TMEM132B: variants seen among roughly 807,000 people sequenced by gnomAD.
TMEM132B encodes transmembrane protein 132B.
In TMEM132B, 18 loss-of-function variants were observed where a neutral mutation model predicts 90.8. That is an observed-to-expected ratio of 0.20 (90% confidence interval 0.14 to 0.29). The LOEUF is 0.29. Ranked by LOEUF, TMEM132B falls within the 10% of genes least tolerant of loss-of-function variation. The pLI is 1.00. For synonymous variants in TMEM132B, 504 were observed against 523.3 expected (o/e 0.96, Z 0.50); for missense variants, 1,096 against 1,326.8 (o/e 0.83, Z 2.70).
At chr12:125,258,438 G>C (rs1217478462) in intron 1 of TMEM132B, among the ~76,000 whole-genome samples, 4 of 152,156 alleles carry the variant, frequency 2.6e-5, no homozygotes, top group Admixed American at 6.5e-5. Flanking sequence ...CATATGTCTG[G>C]CTCCTGGGCT....
chr12:125,605,809 A>T (rs1593018107), intron 5 of TMEM132B, among the ~76,000 whole-genome samples: 1 of 152,170 alleles, frequency 6.6e-6, no homozygotes, highest in Non-Finnish European at 1.5e-5. Flanking sequence ...CCCAGGTTTT[A>T]GGTTTCAGAT....
chr12:125,617,379 C>G (rs1466332222), intron 5 of TMEM132B, among the ~76,000 whole-genome samples: 1 of 141,774 alleles, frequency 7.1e-6, no homozygotes, highest in East Asian at 2.1e-4. Context: ...GAATTTCACT[C>G]TTATTGCCCA....
intron 4 of TMEM132B, among the ~76,000 whole-genome samples, chr12:125,555,398 G>C (rs1196803972): frequency 6.6e-6 from 1 of 151,592 alleles, no homozygotes; most frequent in Non-Finnish European, 1.5e-5. Flanking sequence ...ATCAGCAATA[G>C]TAAGATTCTT....
In TMEM132B at chr12:125,298,587, T is replaced by G. The variant is rs369296530; in HGVS notation, c.68-50865T>G. Among the ~76,000 whole-genome samples the G allele has an allele frequency of 7.2e-5, 10 of 138,792 alleles. No homozygotes were observed. The East Asian group carries it at 2.1e-3, about 28-fold the overall frequency. The allele number at this position is 138,792 out of a possible 152,430, so 91.1% of individuals were successfully genotyped here. On this transcript the variant is annotated intron_variant, in intron 1 of 8. Coordinates refer to ENST00000682704, the MANE Select transcript of TMEM132B (RefSeq NM_001366854.1). ...TGCTCGGGAGGCTGAGGCAGGAGAATCACTTGAACCCGGGAGGCAGAGTTT... is the reference window on the plus strand; with the variant it reads ...TGCTCGGGAGGCTGAGGCAGGAGAAGCACTTGAACCCGGGAGGCAGAGTTT...
rs373301717 is a variant in TMEM132B, at chr12:125,262,548, C to T, written c.67+75682C>T. 1.4e-4 allele frequency among the ~76,000 whole-genome samples: 21 copies of T among 152,298 alleles called. No homozygotes were observed. The East Asian group carries it at 2.7e-3, about 20-fold the overall frequency. On this transcript the variant is annotated intron_variant, in intron 1 of 8. Transcript: ENST00000682704. The stretch of plus-strand genomic sequence containing the variant: ...GTGCCCCCTTTAGTTAAGGCGTGGG[C>T]TTGCCACTTTGCCACAGTCACCACC...
chr12:125,322,789 C>T (rs1876463625), intron 1 of TMEM132B, among the ~76,000 whole-genome samples: 1 of 152,040 alleles, frequency 6.6e-6, no homozygotes, highest in African/African-American at 2.4e-5. Flanking sequence ...ATCCAGTTTT[C>T]TTTTGCACAG....
chr12:125,302,152 A>G (rs1209540974), intron 1 of TMEM132B, among the ~76,000 whole-genome samples: 2 of 152,048 alleles, frequency 1.3e-5, no homozygotes, highest in Non-Finnish European at 2.9e-5. Context: ...GTGAGCTGAG[A>G]TTGTGCTGCT....
At chr12:125,488,983 A>G (rs1882280764) in intron 3 of TMEM132B, among the ~76,000 whole-genome samples, 1 of 152,256 alleles carries the variant, frequency 6.6e-6, no homozygotes, top group South Asian at 2.1e-4. Flanking sequence ...CTGAATTGGA[A>G]AAATTGGTTT....
At chr12:125,215,161 A>G (rs918535649) in intron 1 of TMEM132B, among the ~76,000 whole-genome samples, 3 of 152,182 alleles carry the variant, frequency 2.0e-5, no homozygotes, top group East Asian at 3.8e-4. Flanking sequence ...CCTTCGAACC[A>G]TCATTGAGGG....
intron 3 of TMEM132B, among the ~76,000 whole-genome samples, chr12:125,434,760 C>T (rs1880651629): frequency 6.6e-6 from 1 of 152,236 alleles, no homozygotes; most frequent in African/African-American, 2.4e-5. Flanking sequence ...ATCCTGTCTG[C>T]CTTCTCAGAT....
chr12:125,435,929 G>T (rs1295762019), intron 3 of TMEM132B, among the ~76,000 whole-genome samples: 1 of 152,110 alleles, frequency 6.6e-6, no homozygotes, highest in African/African-American at 2.4e-5. Context: ...TAGTGTCAGA[G>T]GGTCTCGGTG....
At chr12:125,344,051 G>A (rs1877280882) in intron 1 of TMEM132B, among the ~76,000 whole-genome samples, 1 of 152,202 alleles carries the variant, frequency 6.6e-6, no homozygotes, top group African/African-American at 2.4e-5. Flanking sequence ...AGGTACTGGA[G>A]ATTGTGCCGT....
chr12:125,484,614 T>A (rs1882152423), intron 3 of TMEM132B, among the ~76,000 whole-genome samples: 1 of 152,162 alleles, frequency 6.6e-6, no homozygotes, highest in Admixed American at 6.5e-5. Flanking sequence ...GTCTCTATGT[T>A]GTTTCTGAAA....
intron 4 of TMEM132B, among the ~76,000 whole-genome samples, chr12:125,544,987 A>C (rs1302411119): frequency 1.3e-5 from 2 of 152,266 alleles, no homozygotes; most frequent in African/African-American, 4.8e-5. Context: ...CCTATGGGTC[A>C]AATGGCTGTG....
At chr12:125,449,600 T>C (rs1388558) in intron 3 of TMEM132B, among the ~76,000 whole-genome samples, 66,521 of 151,754 alleles carry the variant, frequency 0.44, 15,774 homozygotes, top group African/African-American at 0.61. Context: ...TTTATGGTTT[T>C]CTCCTTTCTG....
At chr12:125,485,389 C>T (rs984863264) in intron 3 of TMEM132B, among the ~76,000 whole-genome samples, 20 of 152,178 alleles carry the variant, frequency 1.3e-4, no homozygotes, top group African/African-American at 4.6e-4. Flanking sequence ...AACTCCCTGC[C>T]AGCAGCATTA....
chr12:125,244,564 G>T (rs1349015154), intron 1 of TMEM132B, among the ~76,000 whole-genome samples: 1 of 152,176 alleles, frequency 6.6e-6, no homozygotes, highest in Non-Finnish European at 1.5e-5. Context: ...CACTGTCACT[G>T]GTATACACCC....
intron 3 of TMEM132B, among the ~76,000 whole-genome samples, chr12:125,432,711 A>G (rs1436402380): frequency 6.6e-6 from 1 of 151,826 alleles, no homozygotes; most frequent in African/African-American, 2.4e-5. Context: ...CTTACTTAAC[A>G]AGCAGTGCAT....
intron 2 of TMEM132B, among the ~76,000 whole-genome samples, chr12:125,412,453 T>C (rs1879877073): frequency 6.6e-6 from 1 of 152,160 alleles, no homozygotes; most frequent in Non-Finnish European, 1.5e-5. Flanking sequence ...AAAGAAATCC[T>C]CTGTTAATGG....
Sources: gnomAD v4.1 joint callset for allele counts (sites outside exome capture counted in the v4.1 genomes callset) on GRCh38, gnomAD v4.1.1 for gene constraint, MANE v1.5 for transcripts, NCBI Gene and HGNC (gene_info 2026-07-23, HGNC 2026-07-21) for gene names.